FAM135B: variants seen among roughly 807,000 people sequenced by gnomAD.
The protein encoded by FAM135B is protein FAM135B.
Under a neutral mutation model 127.7 loss-of-function variants are expected in FAM135B, and 43 were observed. The observed-to-expected ratio is 0.34, with a 90% CI of 0.26 to 0.43. The LOEUF (loss-of-function observed/expected upper bound fraction) is 0.43. FAM135B is among the 20% of genes least tolerant of loss of function. The probability of loss-of-function intolerance (pLI) is 1.00; values close to 1 mark genes in which losing one functional copy is unlikely to be tolerated. For missense variants in FAM135B, 1,558 were observed against 1,725.6 expected, an observed-to-expected ratio of 0.90 and a Z score of 1.72; for synonymous variants, 670 against 665.1, an observed-to-expected ratio of 1.01 and a Z score of -0.11.
chr8:138,325,764 G>A (rs1512395), intron 2 of FAM135B, among the ~76,000 whole-genome samples: 151,487 of 152,304 alleles, frequency 0.99, 75,342 homozygotes, highest in East Asian at 1. Flanking sequence ...GAACAGCATT[G>A]GCAACAACCC....
chr8:138,444,635 G>A (rs1448188263), intron 1 of FAM135B, among the ~76,000 whole-genome samples: 3 of 152,208 alleles, frequency 2.0e-5, no homozygotes, highest in South Asian at 2.1e-4. Flanking sequence ...CAGAATCTCT[G>A]GGACACATTT....
intron 11 of FAM135B, among the ~76,000 whole-genome samples, chr8:138,174,087 A>G (rs563100004): frequency 6.6e-6 from 1 of 152,276 alleles, no homozygotes; most frequent in East Asian, 1.9e-4. Flanking sequence ...GTCCTTCCTC[A>G]TACCATCTAT....
At position 138,250,881 on chromosome 8, in the gene FAM135B, C is replaced by A. The variant is rs184738153; in HGVS notation, c.502G>T (p.Val168Phe). The A allele has an allele frequency of 1.2e-6, 2 of 1,613,964 alleles. No individual in the cohort carries two copies. Among genetic ancestry groups the A allele is most frequent in the Non-Finnish European group, 1.7e-6 (2 of 1,180,012 alleles). The change falls in exon 6 of 20, where the codon GTC (valine) becomes TTC (phenylalanine). Residue 168 changes from valine to phenylalanine, a missense_variant. Physicochemically the swap from Val to Phe is conservative, Grantham distance 50. Transcript: ENST00000395297. ...YFHLSVISVT[V>F]HAALVALQQP... Reference sequence around the variant, plus strand: ...TGCAGAGCCACCAGGGCAGCATGGACGGTCACCGAGATCACAGACAGGTGG... The same window carrying A: ...TGCAGAGCCACCAGGGCAGCATGGAAGGTCACCGAGATCACAGACAGGTGG...
In FAM135B at chr8:138,428,917, C is replaced by T. The variant is rs562261890; in HGVS notation, c.-19-60915G>A. ...TTATGCCTCTATTTCGTTCCACAAACTGCCCCCAAGGGCCTACTATGTAGG... is the reference window on the plus strand; with the variant it reads ...TTATGCCTCTATTTCGTTCCACAAATTGCCCCCAAGGGCCTACTATGTAGG... On this transcript the variant is annotated intron_variant, in intron 1 of 19. Coordinates refer to ENST00000395297, the MANE Select transcript of FAM135B (RefSeq NM_015912.4). Among the ~76,000 whole-genome samples, 3 of 152,320 alleles carry T rather than the reference C, an allele frequency of 2.0e-5. No homozygotes were observed. The East Asian group carries it at 5.8e-4, about 29-fold the overall frequency.
intron 2 of FAM135B, among the ~76,000 whole-genome samples, chr8:138,354,879 C>G (rs756580174): frequency 3.3e-5 from 5 of 152,062 alleles, no homozygotes; most frequent in Non-Finnish European, 5.9e-5. Context: ...CTCATTCACT[C>G]TCTTTTTTTC....
At chr8:138,154,343 A>G (rs1440692086) in intron 12 of FAM135B, among the ~76,000 whole-genome samples, 1 of 152,180 alleles carries the variant, frequency 6.6e-6, no homozygotes, top group Non-Finnish European at 1.5e-5. Context: ...GAGAAACCAG[A>G]GCAGAAAAGC....
rs772305114 is a variant in FAM135B at position 138,153,089 on chromosome 8, C to T, written c.1386G>A (p.Leu462=). The T allele has an allele frequency of 1.2e-6, 2 of 1,613,986 alleles. No individual in the cohort carries two copies. Among genetic ancestry groups the T allele is most frequent in the African/African-American group, 1.3e-5 (1 of 74,904 alleles). Residue 462 remains leucine (L), a synonymous_variant, in exon 13 of 20, where the codon TTG becomes TTA. Coordinates refer to ENST00000395297, the MANE Select transcript of FAM135B (RefSeq NM_015912.4). ...CCATTTGGGATGGTTTTATGGTAGA[C>T]AAGACAAGGTCTTCCCTAAAAGATA... ...SNLSFREDLV[L]STIKPSQMDS... is the part of the protein sequence containing the mutation.
chr8:138,367,223 C>T (rs1165508922), intron 2 of FAM135B: 2 of 323,632 alleles, frequency 6.2e-6, no homozygotes, highest in Admixed American at 4.3e-5. Flanking sequence ...ATTAACTTTG[C>T]TTTTTGTGTG....
chr8:138,353,903 G>T (rs987410579), intron 2 of FAM135B, among the ~76,000 whole-genome samples: 1 of 151,998 alleles, frequency 6.6e-6, no homozygotes. Flanking sequence ...ATTGCCTTTA[G>T]ACCTATAAAC....
At position 138,141,840 on chromosome 8, in the gene FAM135B, G is replaced by C. The variant is rs1312798173; in HGVS notation, c.3639-491C>G. On this transcript the variant is annotated intron_variant, in intron 16 of 19. Transcript: ENST00000395297. The surrounding 1 kb of genome is among the most constrained non-coding windows in gnomAD (Gnocchi z 4.7). The stretch of plus-strand genomic sequence containing the variant: ...AGCCCATGCTGTTAGACCCCCTCCT[G>C]CAGGCTCTGCTCCAGCCATACTGCT... Among the ~76,000 whole-genome samples the C allele has an allele frequency of 6.6e-6, 1 of 152,064 alleles. No individual in the cohort carries two copies. The highest frequency in any genetic ancestry group is 1.5e-5 in the Non-Finnish European group (1 of 68,018).
intron 1 of FAM135B, among the ~76,000 whole-genome samples, chr8:138,392,293 C>A (rs1229620060): frequency 1.3e-5 from 2 of 152,308 alleles, no homozygotes; most frequent in East Asian, 3.9e-4. Flanking sequence ...CTTCAGGGAA[C>A]TCTCCAGGCC....
intron 3 of FAM135B, among the ~76,000 whole-genome samples, chr8:138,301,990 C>T (rs915318777): frequency 2.0e-5 from 3 of 152,084 alleles, no homozygotes; most frequent in African/African-American, 7.2e-5. Flanking sequence ...AGTAAAACTC[C>T]GTCAGGACTA....
intron 12 of FAM135B, among the ~76,000 whole-genome samples, chr8:138,164,410 A>T (rs1819702636): frequency 1.3e-5 from 2 of 152,170 alleles, no homozygotes; most frequent in South Asian, 4.1e-4. Flanking sequence ...CTCAACACAG[A>T]AGCTGCAAAG....
chr8:138,263,920 G>A (rs1416673659), intron 4 of FAM135B, among the ~76,000 whole-genome samples: 9 of 152,126 alleles, frequency 5.9e-5, no homozygotes, highest in South Asian at 2.1e-4. Context: ...GGAGAGGGAC[G>A]ACAAAATTCT....
At chr8:138,456,245 T>C (rs1836770999) in intron 1 of FAM135B, among the ~76,000 whole-genome samples, 1 of 152,242 alleles carries the variant, frequency 6.6e-6, no homozygotes, top group Non-Finnish European at 1.5e-5. Context: ...ACTGGGTATG[T>C]AGCTGAAGTA....
rs992362955 is a variant in FAM135B, at chr8:138,165,191, G to A, written c.1258+2704C>T. On this transcript the variant is annotated intron_variant, in intron 12 of 19. Transcript: ENST00000395297. ...GCTGGAGTGCAATGGCGGGATCTAGGCTCATCACAACCTCTGCCTCCCAGG... is the reference window on the plus strand; with the variant it reads ...GCTGGAGTGCAATGGCGGGATCTAGACTCATCACAACCTCTGCCTCCCAGG... Among the ~76,000 whole-genome samples the A allele has an allele frequency of 2.0e-5, 3 of 151,686 alleles. No individual in the cohort carries two copies. In the South Asian group the frequency reaches 6.2e-4, roughly 32 times the overall value.
chr8:138,230,329 G>A (rs1261237543), intron 7 of FAM135B, among the ~76,000 whole-genome samples: 1 of 152,174 alleles, frequency 6.6e-6, no homozygotes, highest in Admixed American at 6.5e-5. Context: ...TGGGTGCTGG[G>A]TTGGCATTAG....
intron 1 of FAM135B, among the ~76,000 whole-genome samples, chr8:138,373,480 C>T (rs372282473): frequency 3.0e-4 from 45 of 150,654 alleles, no homozygotes; most frequent in African/African-American, 7.8e-4. Flanking sequence ...GTGATAATTG[C>T]GTTAACTGCA....
intron 2 of FAM135B, among the ~76,000 whole-genome samples, chr8:138,347,257 A>G (rs186441306): frequency 5.6e-4 from 86 of 152,284 alleles, no homozygotes; most frequent in African/African-American, 2.0e-3. Flanking sequence ...ATGGGTCTCG[A>G]TGCTTTCTAT....
Sources: allele counts gnomAD v4.1 joint callset (sites outside exome capture counted in the v4.1 genomes callset), GRCh38; gene constraint gnomAD v4.1.1; non-coding constraint Gnocchi (gnomAD v3.1); transcripts MANE v1.5; gene names NCBI Gene and HGNC (gene_info 2026-07-23, HGNC 2026-07-21).